FGF5: variants seen among roughly 807,000 people sequenced by gnomAD.
FGF5 encodes the protein fibroblast growth factor 5, also known as heparin-binding growth factor 5.
Under a neutral mutation model 21.8 loss-of-function variants are expected in FGF5, and 23 were observed. That is an observed-to-expected ratio of 1.05 (90% CI 0.76 to 1.49). FGF5 has a LOEUF of 1.49. Among genes scored for constraint, FGF5 ranks in the 40% most tolerant of loss-of-function variants. The pLI, the probability that FGF5 is intolerant of heterozygous loss-of-function variation, is 0.00. For synonymous variants in FGF5, 158 were observed against 124.0 expected (o/e 1.27, Z -1.82); for missense variants, 352 against 332.9 (o/e 1.06, Z -0.45).
chr4:80,290,531 T>G lies in FGF5; in HGVS notation c.*3859T>G, dbSNP rs1030215404. The G allele has an allele frequency of 2.0e-5, 3 of 152,106 alleles. No individual in the cohort carries two copies. The highest frequency in any genetic ancestry group is 4.4e-5 in the Non-Finnish European group (3 of 68,012). The allele number at this position is 152,106 out of a possible 1,614,324, so 9.4% of individuals were successfully genotyped here. On this transcript the variant is annotated 3_prime_UTR_variant, in exon 3 of 3. Transcript: ENST00000312465. ...TGAGGCATCTTTACATCTAAGAATT[T>G]TTTTTTAAATTTTATTATTATTATA... is the stretch of plus-strand genomic sequence containing the variant.
At chr4:80,283,767 G>T (rs1720634578) in intron 2 of FGF5, among the ~76,000 whole-genome samples, 1 of 151,288 alleles carries the variant, frequency 6.6e-6, no homozygotes, top group African/African-American at 2.4e-5. Context: ...TCATTCAACT[G>T]CATTTTAAGA....
intron 2 of FGF5, among the ~76,000 whole-genome samples, chr4:80,276,511 A>G (rs1442757916): frequency 1.3e-5 from 2 of 151,934 alleles, no homozygotes; most frequent in Non-Finnish European, 2.9e-5. Context: ...TTTTTATTTC[A>G]ATAGGTTTTT....
At chr4:80,268,641 C>T in intron 1 of FGF5, 1 of 459,898 alleles carries the variant, frequency 2.2e-6, no homozygotes, top group East Asian at 1.5e-4. Context: ...ATGGTTCATG[C>T]TGAGAGAAAA....
intron 1 of FGF5, among the ~76,000 whole-genome samples, chr4:80,269,034 T>C (rs1720195515): frequency 6.6e-6 from 1 of 152,212 alleles, no homozygotes; most frequent in African/African-American, 2.4e-5. Context: ...CCTTTCCTTC[T>C]CTCTTACAAG....
chr4:80,280,105 A>G (rs946874182), intron 2 of FGF5, among the ~76,000 whole-genome samples: 1 of 152,228 alleles, frequency 6.6e-6, no homozygotes, highest in Admixed American at 6.5e-5. Flanking sequence ...TCAAAAAATA[A>G]CTTACTAAGC....
chr4:80,288,322 T>C lies in FGF5; in HGVS notation c.*1650T>C, dbSNP rs1720797263. The C allele has an allele frequency of 6.6e-6, 1 of 152,150 alleles. No individual in the cohort carries two copies. Among genetic ancestry groups the C allele is most frequent in the African/African-American group, 2.4e-5 (1 of 41,434 alleles). The allele number at this position is 152,150 out of a possible 1,614,324, so 9.4% of individuals were successfully genotyped here. ...TTGATGGGAAAATAGTACACACATA[T>C]ATATAACAAATAATATATTAAAAAA... is the stretch of plus-strand genomic sequence containing the variant. On this transcript the variant is annotated 3_prime_UTR_variant, in exon 3 of 3. Coordinates refer to ENST00000312465, the MANE Select transcript of FGF5 (RefSeq NM_004464.4).
rs756574088 is a variant in FGF5, at chr4:80,274,944, G to C, written c.391G>C (p.Val131Leu). 3 of 1,597,470 alleles carry C rather than the reference G, an allele frequency of 1.9e-6. No homozygotes were observed. In the Admixed American group the frequency reaches 5.1e-5, roughly 27 times the overall value. ...AATATTTGCTGTGTCTCAGGGGATT[G>C]TAGGAATACGAGGAGTTTTCAGCAA... is the stretch of plus-strand genomic sequence containing the variant. Reference protein sequence around the residue: ...LEIFAVSQGIVGIRGVFSNKF... With the variant: ...LEIFAVSQGILGIRGVFSNKF... Residue 131 changes from valine to leucine, a missense_variant, in exon 2 of 3, where the codon GTA becomes CTA. Val to Leu is a conservative substitution (Grantham distance 32). Transcript: ENST00000312465.
At chr4:80,268,676 G>A in intron 1 of FGF5, 1 of 281,284 alleles carries the variant, frequency 3.6e-6, no homozygotes, top group Non-Finnish European at 5.4e-6. Context: ...GCCCCTCTGC[G>A]CCTGTCTAGT....
chr4:80,273,884 ATTGAGCTAAAAATCTCTTTTTAAAAATT>A (rs1439675929), intron 1 of FGF5, among the ~76,000 whole-genome samples: 1 of 151,988 alleles, frequency 6.6e-6, no homozygotes, highest in Non-Finnish European at 1.5e-5. Flanking sequence ...TTTTAGCTCT[ATTGAGCTAAAAATCTCTTTTTAAAAATT>A]TTGAAATAGA....
Position 80,289,660 on chromosome 4 carries a change from TAAGATGTAG to T in FGF5, c.*2989_*2997del. ...TATAGAGATAAATAGAAATTTTCAA[TAAGATGTAG>T]TAACACTGTGATTTATCTTTCAAGA... On this transcript the variant is annotated 3_prime_UTR_variant, in exon 3 of 3. Transcript: ENST00000312465. The T allele has an allele frequency of 6.6e-6, 1 of 151,812 alleles. No individual in the cohort carries two copies. Among genetic ancestry groups the T allele is most frequent in the East Asian group, 1.9e-4 (1 of 5,188 alleles). 9.4% of individuals were successfully genotyped at this position (151,812 alleles called of 1,614,324 possible). A position where few individuals can be genotyped will look rare whatever the true frequency, so the allele number is the denominator to read the frequency against.
At chr4:80,276,600 G>A (rs575272927) in intron 2 of FGF5, among the ~76,000 whole-genome samples, 1 of 151,860 alleles carries the variant, frequency 6.6e-6, no homozygotes, top group East Asian at 1.9e-4. Flanking sequence ...TATCACCCCA[G>A]TAGTGTACAC....
chr4:80,275,081 T>C, intron 2 of FGF5, 69 bp downstream of exon 2: 1 of 653,362 alleles, frequency 1.5e-6, no homozygotes, highest in Non-Finnish European at 2.5e-6. Context: ...CAGAATAATT[T>C]TCCAAATTCA....
In FGF5 at chr4:80,266,755, A is replaced by C. The variant is rs1463100748; in HGVS notation, c.-70A>C. ...GAGGCGGGCAGAGCCAGAGGCACGC[A>C]GCCGCACAGGGGCTACAGAGCCCAG... On this transcript the variant is annotated 5_prime_UTR_variant, in exon 1 of 3. Transcript: ENST00000312465. 1.5e-6 allele frequency: 2 copies of C among 1,326,562 alleles called. No individual in the cohort carries two copies. Among genetic ancestry groups the C allele is most frequent in the East Asian group, 2.3e-5 (1 of 42,820 alleles). 82.2% of individuals were successfully genotyped at this position (1,326,562 alleles called of 1,614,324 possible).
At chr4:80,285,965 TA>T (rs1720701804) in intron 2 of FGF5, among the ~76,000 whole-genome samples, 1 of 152,138 alleles carries the variant, frequency 6.6e-6, no homozygotes, top group African/African-American at 2.4e-5. Flanking sequence ...CTTAGTGAGT[TA>T]GGAGGAAAAA....
chr4:80,281,568 C>T (rs1477600331), intron 2 of FGF5, among the ~76,000 whole-genome samples: 1 of 152,062 alleles, frequency 6.6e-6, no homozygotes, highest in Non-Finnish European at 1.5e-5. Context: ...AAGGTTTATA[C>T]TGGTGTCTGT....
At chr4:80,283,548 G>T (rs1207241258) in intron 2 of FGF5, among the ~76,000 whole-genome samples, 1 of 152,148 alleles carries the variant, frequency 6.6e-6, no homozygotes, top group Non-Finnish European at 1.5e-5. Context: ...ACCTGTGCAT[G>T]AGTGTGTGTG....
chr4:80,290,112 T>C lies in FGF5; in HGVS notation c.*3440T>C, dbSNP rs1018365483. 6.6e-6 allele frequency: 1 copy of C among 152,252 alleles called. No individual in the cohort carries two copies. The highest frequency in any genetic ancestry group is 2.4e-5 in the African/African-American group (1 of 41,566). 9.4% of individuals were successfully genotyped at this position (152,252 alleles called of 1,614,324 possible). A position where few individuals can be genotyped will look rare whatever the true frequency, so the allele number is the denominator to read the frequency against. On this transcript the variant is annotated 3_prime_UTR_variant, in exon 3 of 3. Transcript: ENST00000312465. ...CTAACCAAAAACTTGCATTCTGGCA[T>C]AATTTTTACAGTTGCAGAGAATTGT...
Position 80,286,357 on chromosome 4 carries a change from G to T in FGF5, c.492G>T (p.Glu164Asp), listed in dbSNP as rs757607151. ...TCACAGATGACTGCAAGTTCAGGGA[G>T]CGTTTTCAAGAAAATAGCTATAATA... Reference protein sequence around the residue: ...AKFTDDCKFRERFQENSYNTY... With the variant: ...AKFTDDCKFRDRFQENSYNTY... Residue 164 changes from glutamate (E) to aspartate (D), a missense_variant, in exon 3 of 3, where the codon GAG (glutamate) becomes GAT (aspartate). Coordinates refer to ENST00000312465, the MANE Select transcript of FGF5 (RefSeq NM_004464.4). 2 of 1,599,306 alleles carry T rather than the reference G, an allele frequency of 1.3e-6. No individual in the cohort carries two copies. The highest frequency in any genetic ancestry group is 1.1e-5 in the South Asian group (1 of 89,812).
chr4:80,273,114 C>T (rs982089696), intron 1 of FGF5, among the ~76,000 whole-genome samples: 3 of 151,250 alleles, frequency 2.0e-5, no homozygotes, highest in Admixed American at 6.6e-5. Context: ...CATAATAAAT[C>T]CTATTATAAA....
Sources: allele counts gnomAD v4.1 joint callset (sites outside exome capture counted in the v4.1 genomes callset), GRCh38; gene constraint gnomAD v4.1.1; transcripts MANE v1.5; gene names NCBI Gene and HGNC (gene_info 2026-07-23, HGNC 2026-07-21).